The following TNKS2 variants were observed in gnomAD, a reference collection of about 807,000 sequenced individuals.
TNKS2 encodes tankyrase 2, also known as poly [ADP-ribose] polymerase tankyrase-2.
A neutral mutation model predicts 137.6 loss-of-function variants in TNKS2; 72 were observed. The ratio of observed to expected loss-of-function variants is 0.52; its 90% CI spans 0.43 to 0.64. The LOEUF is 0.64. Ranked by LOEUF, TNKS2 falls within the 30% of genes least tolerant of loss-of-function variation. The probability of loss-of-function intolerance (pLI) is 0.00; values close to 1 mark genes in which losing one functional copy is unlikely to be tolerated. For synonymous variants in TNKS2, 516 were observed against 512.1 expected, an observed-to-expected ratio of 1.01 and a Z score of -0.10; for missense variants, 1,049 against 1,410.2, an observed-to-expected ratio of 0.74 and a Z score of 4.10.
intron 12 of TNKS2, 98 bp downstream of exon 12, chr10:91,834,122 T>C: frequency 1.0e-6 from 1 of 987,806 alleles, no homozygotes; most frequent in Non-Finnish European, 1.4e-6. Context: ...TAAGAAAAAT[T>C]GAGAATTTTT....
intron 21 of TNKS2, among the ~76,000 whole-genome samples, chr10:91,852,500 C>G (rs80245870): frequency 0.094 from 14,333 of 152,248 alleles, 765 homozygotes; most frequent in East Asian, 0.19. Flanking sequence ...GCGGAACTTG[C>G]AGTGAGTTGA....
chr10:91,822,853 C>A (rs1322287333), intron 7 of TNKS2, among the ~76,000 whole-genome samples: 1 of 151,998 alleles, frequency 6.6e-6, no homozygotes, highest in African/African-American at 2.4e-5. Context: ...CCACCATGCC[C>A]AGCCTGGATA....
Position 91,855,056 on chromosome 10 carries a change from CCTCTGGTAGTGGAACAA to C in TNKS2, c.2844_2860del (p.Gly950TyrfsTer6). 6.2e-7 allele frequency: 1 copy of C among 1,610,550 alleles called. No individual in the cohort carries two copies. The highest frequency in any genetic ancestry group is 8.5e-7 in the Non-Finnish European group (1 of 1,177,304). ...CTTAACCCATATTTAACTTTGAACA[CCTCTGGTAGTGGAACAA>C]TTCTTATAGATCTGTCTCCTGATGA... is the stretch of plus-strand genomic sequence containing the variant. On this transcript the variant is annotated frameshift_variant, in exon 22 of 27. Transcript: ENST00000371627. LOFTEE classifies it high-confidence loss of function.
chr10:91,836,093 G>A (rs1842010588), intron 12 of TNKS2, among the ~76,000 whole-genome samples: 2 of 143,062 alleles, frequency 1.4e-5, no homozygotes, highest in Admixed American at 1.4e-4. Context: ...CCCAGGCTAG[G>A]GTGCAATGGC....
intron 13 of TNKS2, among the ~76,000 whole-genome samples, chr10:91,838,936 C>T (rs1445528922): frequency 2.0e-5 from 3 of 152,180 alleles, no homozygotes; most frequent in Admixed American, 6.5e-5. Context: ...TGCACGATCT[C>T]GGCTCACAGC....
chr10:91,840,677 T>C lies in TNKS2; in HGVS notation c.1644T>C (p.His548=), dbSNP rs753367739. Residue 548 remains histidine (H), a synonymous_variant, in exon 14 of 27, where the codon CAT becomes CAC. Transcript: ENST00000371627. ...CCGTGGTGGAATATCTGCTACAGCA[T>C]GGAGCTGATGTGCATGCTAAAGATA... ...RVSVVEYLLQ[H]GADVHAKDKG... 2 of 1,613,956 alleles carry C rather than the reference T, an allele frequency of 1.2e-6. No homozygotes were observed. The highest frequency in any genetic ancestry group is 1.7e-6 in the Non-Finnish European group (2 of 1,179,940).
intron 1 of TNKS2, among the ~76,000 whole-genome samples, chr10:91,804,831 A>G (rs1844274213): frequency 6.6e-6 from 1 of 152,134 alleles, no homozygotes; most frequent in Non-Finnish European, 1.5e-5. Flanking sequence ...ATCTTGGCTC[A>G]CTTCAACCTC....
At chr10:91,843,147 G>A (rs1046222129) in intron 16 of TNKS2, among the ~76,000 whole-genome samples, 1 of 152,038 alleles carries the variant, frequency 6.6e-6, no homozygotes, top group East Asian at 1.9e-4. Flanking sequence ...TCTCACCAAA[G>A]TTATCTGTTG....
intron 1 of TNKS2, among the ~76,000 whole-genome samples, chr10:91,800,542 T>A (rs895160271): frequency 6.6e-6 from 1 of 152,184 alleles, no homozygotes; most frequent in Admixed American, 6.5e-5. Context: ...CACCTTCAGT[T>A]CTGTCCCAAC....
At chr10:91,831,331 C>T (rs1238320607) in intron 11 of TNKS2, 150 bp downstream of exon 11, 1 of 729,052 alleles carries the variant, frequency 1.4e-6, no homozygotes, top group Non-Finnish European at 2.3e-6. Flanking sequence ...CTGCAGGTAA[C>T]CTTTTCTATA....
Position 91,842,216 on chromosome 10 carries a change from T to C in TNKS2, c.1884T>C (p.Pro628=), listed in dbSNP as rs769748378. Residue 628 remains proline, a synonymous_variant, in exon 16 of 27, where the codon CCT becomes CCC. Coordinates refer to ENST00000371627, the MANE Select transcript of TNKS2 (RefSeq NM_025235.4). ...AAAAAAACAGGGATGGAAATACTCC[T>C]TTGGATCTTGTTAAAGATGGAGATA... is the stretch of plus-strand genomic sequence containing the variant. ...PTKKNRDGNT[P]LDLVKDGDTD... 16 of 1,613,960 alleles carry C rather than the reference T, an allele frequency of 9.9e-6. No individual in the cohort carries two copies. Among genetic ancestry groups the C allele is most frequent in the Middle Eastern group, 1.6e-4 (1 of 6,078 alleles).
intron 1 of TNKS2, among the ~76,000 whole-genome samples, chr10:91,810,626 C>T (rs967526577): frequency 4.6e-5 from 7 of 151,462 alleles, no homozygotes; most frequent in African/African-American, 1.7e-4. Flanking sequence ...CCTCAACCAC[C>T]CAAGTAGCTG....
intron 11 of TNKS2, 33 bp from the exon 12 acceptor site, chr10:91,833,820 C>A: frequency 1.3e-6 from 2 of 1,506,392 alleles, no homozygotes; most frequent in Admixed American, 2.2e-5. Flanking sequence ...TTTTGCATTG[C>A]GGGCTAATTT....
chr10:91,859,711 G>A, intron 25 of TNKS2, 63 bp downstream of exon 25: 2 of 1,397,792 alleles, frequency 1.4e-6, no homozygotes, highest in South Asian at 2.6e-5. Context: ...TTGCATTTTT[G>A]AGGGCAAAGC....
intron 1 of TNKS2, chr10:91,807,308 A>G: frequency 1.2e-6 from 2 of 1,614,034 alleles, no homozygotes; most frequent in South Asian, 1.1e-5. Flanking sequence ...AAACTAAATC[A>G]TCTGTTACTT....
Position 91,842,322 on chromosome 10 carries a change from T to C in TNKS2, c.1990T>C (p.Leu664=), listed in dbSNP as rs767237387. The change falls in exon 16 of 27, where the codon TTG becomes CTG. Residue 664 remains leucine (L), a synonymous_variant. Coordinates refer to ENST00000371627, the MANE Select transcript of TNKS2 (RefSeq NM_025235.4). ...KKGCLARVKK[L]SSPDNVNCRD... ...GGGTTGTTTAGCCAGAGTGAAGAAG[T>C]TGTCTTCTCCTGATAATGTAAATTG... The C allele has an allele frequency of 1.2e-6, 2 of 1,614,124 alleles. No homozygotes were observed. The highest frequency in any genetic ancestry group is 1.7e-6 in the Non-Finnish European group (2 of 1,179,998).
chr10:91,859,613 A>C lies in TNKS2; in HGVS notation c.3246A>C (p.Pro1082=). Residue 1082 remains proline (P), a synonymous_variant, in exon 25 of 27, where the codon CCA becomes CCC. Transcript: ENST00000371627. ...GAATTGGAGGAGGTACTGGGTGTCC[A>C]GTTCACAAAGACAGATCTTGTTACA... ...VYGIGGGTGC[P]VHKDRSCYIC... The C allele has an allele frequency of 6.2e-7, 1 of 1,612,886 alleles. No individual in the cohort carries two copies. The highest frequency in any genetic ancestry group is 8.5e-7 in the Non-Finnish European group (1 of 1,179,662).
chr10:91,855,737 C>G (rs1422804946), intron 23 of TNKS2, 49 bp downstream of exon 23: 1 of 1,380,242 alleles, frequency 7.2e-7, no homozygotes, highest in Non-Finnish European at 1.0e-6. Flanking sequence ...GTTTTCAAAG[C>G]CTGAAGCCAT....
At chr10:91,850,693 T>C (rs1464560816) in intron 20 of TNKS2, among the ~76,000 whole-genome samples, 2 of 152,182 alleles carry the variant, frequency 1.3e-5, no homozygotes, top group Non-Finnish European at 1.5e-5. Context: ...CACTCCAGCC[T>C]TGGCAACGAG....
Sources: allele counts gnomAD v4.1 joint callset (sites outside exome capture counted in the v4.1 genomes callset), GRCh38; gene constraint gnomAD v4.1.1; transcripts MANE v1.5; gene names NCBI Gene and HGNC (gene_info 2026-07-23, HGNC 2026-07-21).